Variants in SMURF2 observed in about 807,000 individuals in gnomAD.
The protein encoded by SMURF2 is SMAD specific E3 ubiquitin protein ligase 2.
SMURF2 carries 48 observed loss-of-function variants against 109.6 expected under a neutral mutation model. The observed-to-expected ratio is 0.44, with a 90% CI of 0.35 to 0.56. The LOEUF (loss-of-function observed/expected upper bound fraction) is 0.56. SMURF2 is among the 20% of genes least tolerant of loss of function. The pLI is 0.01. For synonymous variants in SMURF2, 288 were observed against 317.1 expected, an observed-to-expected ratio of 0.91 and a Z score of 0.97; for missense variants, 575 against 909.0, an observed-to-expected ratio of 0.63 and a Z score of 4.72.
intron 9 of SMURF2, among the ~76,000 whole-genome samples, chr17:64,575,491 G>C (rs1969477620): frequency 6.6e-6 from 1 of 151,944 alleles, no homozygotes; most frequent in South Asian, 2.1e-4. Context: ...ATATTGTCAA[G>C]ACATGGAAAT....
rs189828258 is a variant in SMURF2 at position 64,619,938 on chromosome 17, C to T, written c.53-13298G>A. On this transcript the variant is annotated intron_variant, in intron 1 of 18. Transcript: ENST00000262435. ...TTGAGTCCCAATCTGTTTCTCTAGC[C>T]TCACTCTCTTCCCAAGCTCCGAACT... Among the ~76,000 whole-genome samples, 391 of 152,234 alleles carry T rather than the reference C, an allele frequency of 2.6e-3. 1 individual carries two copies. The highest frequency in any genetic ancestry group is 6.8e-3 in the Middle Eastern group (2 of 292).
intron 18 of SMURF2, 58 bp downstream of exon 18, chr17:64,546,205 G>T: frequency 6.5e-7 from 1 of 1,531,904 alleles, no homozygotes; most frequent in Non-Finnish European, 9.0e-7. Flanking sequence ...AGTCAAATCT[G>T]TTTGGAACTA....
At position 64,571,890 on chromosome 17, in the gene SMURF2, C is replaced by G; in HGVS notation, c.924G>C (p.Thr308=). The change falls in exon 10 of 19, where the codon ACG becomes ACC. Residue 308 remains threonine (T), a synonymous_variant. Coordinates refer to ENST00000262435, the MANE Select transcript of SMURF2 (RefSeq NM_022739.4). The stretch of plus-strand genomic sequence containing the variant: ...CAACGAAATAAACTCTGCCTGTTGC[C>G]GTATTACGGATCTCCCATCCAGGAG... ...PLPPGWEIRN[T]ATGRVYFVDH... is the part of the protein sequence containing the mutation. 1 of 1,613,794 alleles carries G rather than the reference C, an allele frequency of 6.2e-7. No homozygotes were observed. Among genetic ancestry groups the G allele is most frequent in the Non-Finnish European group, 8.5e-7 (1 of 1,179,858 alleles).
chr17:64,631,322 G>C (rs934923394), intron 1 of SMURF2, among the ~76,000 whole-genome samples: 7 of 122,938 alleles, frequency 5.7e-5, no homozygotes, highest in Non-Finnish European at 8.2e-5. Flanking sequence ...GAGAGAGAGA[G>C]AGAGACAGAG....
chr17:64,547,872 T>A lies in SMURF2; in HGVS notation c.1870-71A>T. On this transcript the variant is annotated intron_variant, in intron 16 of 18. Transcript: ENST00000262435. The surrounding 1 kb of genome is among the most constrained non-coding windows in gnomAD (Gnocchi z 4.2). The stretch of plus-strand genomic sequence containing the variant: ...GACCAAAAATTCCTCAAAAGAGAAC[T>A]TTAGGTTTGTACTGCTGGCTGTCAT... 2 of 1,346,454 alleles carry A rather than the reference T, an allele frequency of 1.5e-6. No individual in the cohort carries two copies. The highest frequency in any genetic ancestry group is 2.1e-6 in the Non-Finnish European group (2 of 941,650). The allele number at this position is 1,346,454 out of a possible 1,614,324, so 83.4% of individuals were successfully genotyped here.
Position 64,606,597 on chromosome 17 carries a change from C to G in SMURF2, c.91+5G>C, listed in dbSNP as rs1363472818. The G allele has an allele frequency of 6.5e-7, 1 of 1,534,600 alleles. No homozygotes were observed. The highest frequency in any genetic ancestry group is 1.4e-5 in the African/African-American group (1 of 71,934). On this transcript the variant is annotated splice_donor_5th_base_variant and intron_variant, in intron 2 of 18. Coordinates refer to ENST00000262435, the MANE Select transcript of SMURF2 (RefSeq NM_022739.4). The stretch of plus-strand genomic sequence containing the variant: ...ATACACAAGATTTAAAGTTAATTTA[C>G]TTACGGAAAAAATCCTTTTTCACCA...
intron 1 of SMURF2, among the ~76,000 whole-genome samples, chr17:64,641,847 C>T (rs781971455): frequency 2.6e-5 from 4 of 152,188 alleles, no homozygotes; most frequent in Non-Finnish European, 5.9e-5. Flanking sequence ...ATTAGTCTCA[C>T]TCCAGCTGGA....
At chr17:64,549,815 T>A (rs1449217830) in intron 16 of SMURF2, among the ~76,000 whole-genome samples, 1 of 152,034 alleles carries the variant, frequency 6.6e-6, no homozygotes, top group African/African-American at 2.4e-5. Flanking sequence ...CCATTAGCAG[T>A]AGAAACTATA....
intron 1 of SMURF2, among the ~76,000 whole-genome samples, chr17:64,651,761 A>G (rs1322277697): frequency 6.6e-6 from 1 of 152,074 alleles, no homozygotes; most frequent in African/African-American, 2.4e-5. Context: ...CATGTCTACA[A>G]AAAATAAAAA....
chr17:64,564,449 C>T (rs1330190559), intron 10 of SMURF2, among the ~76,000 whole-genome samples: 1 of 152,088 alleles, frequency 6.6e-6, no homozygotes, highest in Non-Finnish European at 1.5e-5. Context: ...GTGTGTCCCC[C>T]AAAAGATATG....
Position 64,638,042 on chromosome 17 carries a change from G to GT in SMURF2, c.52+23786dup, listed in dbSNP as rs61684126. Among the ~76,000 whole-genome samples the GT allele has an allele frequency of 4.3e-3, 537 of 123,644 alleles. 7 individuals are homozygous for GT. Among genetic ancestry groups the GT allele is most frequent in the African/African-American group, 0.012 (416 of 33,786 alleles). 81.1% of individuals were successfully genotyped at this position (123,644 alleles called of 152,430 possible). ...ACACCAGTACCACACTTTCCCATGA[G>GT]TTTTTTTTTTTTCCTTTTTCTTTTT... On this transcript the variant is annotated intron_variant, in intron 1 of 18. Coordinates refer to ENST00000262435, the MANE Select transcript of SMURF2 (RefSeq NM_022739.4).
chr17:64,593,598 G>A, intron 3 of SMURF2, 25 bp from the exon 4 acceptor site: 6 of 1,490,786 alleles, frequency 4.0e-6, no homozygotes, highest in Non-Finnish European at 5.4e-6. Context: ...GGCTGCATGA[G>A]TAACTTGGTA....
At chr17:64,607,742 G>C (rs988547979) in intron 1 of SMURF2, among the ~76,000 whole-genome samples, 1 of 151,816 alleles carries the variant, frequency 6.6e-6, no homozygotes, top group Non-Finnish European at 1.5e-5. Flanking sequence ...AGGCCAAGGT[G>C]GCTGGATCGC....
At chr17:64,595,554 C>T (rs1969805174) in intron 3 of SMURF2, among the ~76,000 whole-genome samples, 1 of 152,110 alleles carries the variant, frequency 6.6e-6, no homozygotes, top group South Asian at 2.1e-4. Flanking sequence ...AGAGGGACAC[C>T]TCTATAGGTG....
At chr17:64,649,459 G>A (rs1292059219) in intron 1 of SMURF2, among the ~76,000 whole-genome samples, 1 of 152,116 alleles carries the variant, frequency 6.6e-6, no homozygotes, top group Non-Finnish European at 1.5e-5. Flanking sequence ...AAACATTGGG[G>A]GATGGAAGGA....
At chr17:64,589,879 T>A (rs534717461) in intron 5 of SMURF2, among the ~76,000 whole-genome samples, 1 of 152,186 alleles carries the variant, frequency 6.6e-6, no homozygotes, top group South Asian at 2.1e-4. Context: ...CCCAGCCTGG[T>A]CTATGGAAAA....
chr17:64,546,799 T>G (rs1013692466), intron 17 of SMURF2, among the ~76,000 whole-genome samples: 1 of 152,214 alleles, frequency 6.6e-6, no homozygotes, highest in African/African-American at 2.4e-5. Flanking sequence ...TATAAATACA[T>G]GTAGCAGAAA....
chr17:64,644,629 T>C (rs1199535628), intron 1 of SMURF2, among the ~76,000 whole-genome samples: 2 of 144,468 alleles, frequency 1.4e-5, no homozygotes, highest in Non-Finnish European at 3.0e-5. Flanking sequence ...AAATGCTGAG[T>C]AGCCAGGCAT....
intron 3 of SMURF2, among the ~76,000 whole-genome samples, chr17:64,595,825 G>A (rs1555688044): frequency 1.3e-5 from 2 of 152,030 alleles, no homozygotes; most frequent in African/African-American, 2.4e-5. Context: ...TACCCACTAG[G>A]GTGGCCACAA....
Sources: allele counts gnomAD v4.1 joint callset (sites outside exome capture counted in the v4.1 genomes callset), GRCh38; gene constraint gnomAD v4.1.1; non-coding constraint Gnocchi (gnomAD v3.1); transcripts MANE v1.5; gene names NCBI Gene and HGNC (gene_info 2026-07-23, HGNC 2026-07-21).